The following FAAH2 variants were observed in gnomAD, a reference collection of about 807,000 sequenced individuals.
FAAH2 encodes the protein fatty-acid amide hydrolase 2.
In FAAH2, 60 loss-of-function variants were observed where a neutral mutation model predicts 36.9. The observed-to-expected ratio is 1.63, with a 90% CI of 1.32 to 2.02. The LOEUF is 2.02. Among genes scored for constraint, FAAH2 ranks in the 30% most tolerant of loss-of-function variants. FAAH2 has a pLI of 0.00. For missense variants in FAAH2, 689 were observed against 397.5 expected, an observed-to-expected ratio of 1.73 and a Z score of -6.23; for synonymous variants, 214 against 143.8, an observed-to-expected ratio of 1.49 and a Z score of -3.49.
chrX:57,323,710 G>C (rs1400649020), intron 3 of FAAH2, among the ~76,000 whole-genome samples: 2 of 39,420 alleles, frequency 5.1e-5, no homozygotes, highest in East Asian at 8.9e-4. Context: ...TTGTAAACTT[G>C]TTTGAGTTCT....
intron 7 of FAAH2, among the ~76,000 whole-genome samples, chrX:57,410,696 T>A (rs2055676236): frequency 9.0e-6 from 1 of 111,697 alleles, no homozygotes; most frequent in Non-Finnish European, 1.9e-5. Context: ...TACTTTTTGA[T>A]GCTGCAATTT....
At chrX:57,291,208 T>C (rs1043183913) in intron 1 of FAAH2, among the ~76,000 whole-genome samples, 6 of 112,144 alleles carry the variant, frequency 5.4e-5, no homozygotes, top group Non-Finnish European at 7.5e-5. Context: ...GGGAGCTATA[T>C]TGTTTACTAC....
At chrX:57,152,154 C>T in the FAAH2 span, among the ~76,000 whole-genome samples, 1 of 111,982 alleles carries the variant, frequency 8.9e-6, no homozygotes, top group African/African-American at 3.2e-5. Flanking sequence ...GGGTACTCAG[C>T]TGTGTGAGGT....
At chrX:57,175,965 A>G in the FAAH2 span, among the ~76,000 whole-genome samples, 1 of 111,873 alleles carries the variant, frequency 8.9e-6, no homozygotes, top group Non-Finnish European at 1.9e-5. Context: ...GTTTTTCTTT[A>G]TAAGTTATCT....
At chrX:57,237,120 C>T in the FAAH2 span, among the ~76,000 whole-genome samples, 4 of 111,527 alleles carry the variant, frequency 3.6e-5, no homozygotes, top group East Asian at 1.1e-3. Flanking sequence ...ACTATCTTTT[C>T]TTCCATGTGT....
chrX:57,343,152 C>A (rs1023848175), intron 5 of FAAH2, among the ~76,000 whole-genome samples: 1 of 111,438 alleles, frequency 9.0e-6, no homozygotes, highest in African/African-American at 3.3e-5. Context: ...GTAATGGGAT[C>A]ACTGGGTTAA....
chrX:57,313,177 T>C (rs1243340418), intron 3 of FAAH2, among the ~76,000 whole-genome samples: 2 of 110,784 alleles, frequency 1.8e-5, no homozygotes, highest in Non-Finnish European at 3.8e-5. Context: ...CAAATCACCT[T>C]AGTCAGACAA....
chrX:57,131,599 T>C, the FAAH2 span, among the ~76,000 whole-genome samples: 1 of 112,029 alleles, frequency 8.9e-6, no homozygotes, highest in Non-Finnish European at 1.9e-5. Flanking sequence ...TGTGTCATTA[T>C]GGTGCTGTTC....
intron 9 of FAAH2, among the ~76,000 whole-genome samples, chrX:57,448,060 A>T (rs1046036190): frequency 1.8e-5 from 2 of 111,329 alleles, no homozygotes; most frequent in South Asian, 3.8e-4. Flanking sequence ...TGCAATCATG[A>T]CTCACTGCAG....
the FAAH2 span, among the ~76,000 whole-genome samples, chrX:57,205,478 G>A: frequency 8.9e-6 from 1 of 112,286 alleles, no homozygotes; most frequent in African/African-American, 3.2e-5. Flanking sequence ...TCATCTGTAT[G>A]AAATCATAAC....
intron 5 of FAAH2, among the ~76,000 whole-genome samples, chrX:57,357,369 A>T (rs2054184188): frequency 8.9e-6 from 1 of 111,932 alleles, no homozygotes; most frequent in African/African-American, 3.2e-5. Flanking sequence ...CTGCACAGCA[A>T]AAGAAACTAT....
chrX:57,233,599 TC>T, the FAAH2 span, among the ~76,000 whole-genome samples: 1 of 110,969 alleles, frequency 9.0e-6, no homozygotes, highest in African/African-American at 3.3e-5. Flanking sequence ...TTGGATGGAG[TC>T]CTTTTGGTGG....
chrX:57,343,315 G>T (rs1361194704), intron 5 of FAAH2, among the ~76,000 whole-genome samples: 2 of 111,653 alleles, frequency 1.8e-5, no homozygotes, highest in African/African-American at 6.5e-5. Context: ...TTGCCATTCT[G>T]ACTTGTGTGA....
At chrX:57,408,020 T>G (rs923876690) in intron 7 of FAAH2, among the ~76,000 whole-genome samples, 1 of 111,721 alleles carries the variant, frequency 9.0e-6, no homozygotes, top group African/African-American at 3.2e-5. Flanking sequence ...TCTGTTTTGA[T>G]GCCAATACCA....
At chrX:57,241,823 T>G in the FAAH2 span, among the ~76,000 whole-genome samples, 2 of 111,480 alleles carry the variant, frequency 1.8e-5, no homozygotes, top group African/African-American at 3.3e-5. Context: ...GTTACTTCAC[T>G]TAGAATAATG....
intron 10 of FAAH2, among the ~76,000 whole-genome samples, chrX:57,477,326 C>A (rs2057289519): frequency 9.1e-6 from 1 of 110,396 alleles, no homozygotes; most frequent in Non-Finnish European, 1.9e-5. Context: ...AAAATTATTT[C>A]ATCAACAAAG....
At chrX:57,291,965 C>A (rs1452961752) in intron 1 of FAAH2, among the ~76,000 whole-genome samples, 1 of 110,741 alleles carries the variant, frequency 9.0e-6, no homozygotes, top group African/African-American at 3.3e-5. Context: ...CATCCTCATG[C>A]AATTATTGGG....
At chrX:57,369,585 A>G (rs1569296703) in intron 5 of FAAH2, among the ~76,000 whole-genome samples, 1 of 111,812 alleles carries the variant, frequency 8.9e-6, no homozygotes, top group South Asian at 3.7e-4. Context: ...TGGGGAATAA[A>G]TTGAGGTAAA....
At position 57,286,757 on chromosome X, in the gene FAAH2, C is replaced by T; in HGVS notation, c.-69C>T. The T allele has an allele frequency of 2.0e-6, 2 of 990,781 alleles. No individual in the cohort carries two copies. Among genetic ancestry groups the T allele is most frequent in the Non-Finnish European group, 2.6e-6 (2 of 765,810 alleles). The allele number at this position is 990,781 out of a possible 1,213,427, so 81.7% of individuals were successfully genotyped here. On this transcript the variant is annotated 5_prime_UTR_variant, in exon 1 of 11. Transcript: ENST00000374900. The stretch of plus-strand genomic sequence containing the variant: ...TTCATAAGTCCCTCTTTGCTTAGTA[C>T]TTTTCTCGTCCTTTCCCCAGGGTGC...
Sources: allele counts gnomAD v4.1 joint callset (sites outside exome capture counted in the v4.1 genomes callset), GRCh38; gene constraint gnomAD v4.1.1; transcripts MANE v1.5; gene names NCBI Gene and HGNC (gene_info 2026-07-23, HGNC 2026-07-21).